Variants in P4HB observed in about 807,000 individuals in gnomAD.
The protein encoded by P4HB is prolyl 4-hydroxylase subunit beta.
Under a neutral mutation model 52.6 loss-of-function variants are expected in P4HB, and 20 were observed. That is an observed-to-expected ratio of 0.38 (90% CI 0.27 to 0.55). The LOEUF is 0.55. Ranked by LOEUF, P4HB falls within the 20% of genes least tolerant of loss-of-function variation. The pLI is 0.74. For synonymous variants in P4HB, 296 were observed against 277.9 expected (o/e 1.07, Z -0.65); for missense variants, 601 against 669.2 (o/e 0.90, Z 1.12).
chr17:81,847,457 C>T (rs1019169364), intron 4 of P4HB, 110 bp from the exon 5 acceptor site: 4 of 862,684 alleles, frequency 4.6e-6, no homozygotes, highest in Admixed American at 1.9e-5. Flanking sequence ...CCTGCCCTCC[C>T]GTGGGGTTTC....
At chr17:81,858,855 A>T in intron 2 of P4HB, 1 of 314,304 alleles carries the variant, frequency 3.2e-6, no homozygotes, top group African/African-American at 2.1e-5. Flanking sequence ...TGCTCCTAGG[A>T]ACAGGGGGCA....
chr17:81,859,145 T>C (rs751507088), intron 2 of P4HB, 36 bp downstream of exon 2: 2 of 1,596,654 alleles, frequency 1.3e-6, no homozygotes, highest in South Asian at 2.2e-5. Context: ...CCAGTCCCTC[T>C]CTAAAGACAG....
intron 2 of P4HB, 163 bp downstream of exon 2, chr17:81,859,018 A>T: frequency 6.4e-6 from 4 of 625,810 alleles, no homozygotes; most frequent in South Asian, 1.9e-5. Context: ...TCCTCACAAG[A>T]CCCTCAGGGC....
Position 81,855,534 on chromosome 17 carries a change from C to T in P4HB, c.405G>A (p.Pro135=), listed in dbSNP as rs375359477. The change falls in exon 3 of 11, where the codon CCG becomes CCA. Residue 135 remains proline, a synonymous_variant. Coordinates refer to ENST00000331483, the MANE Select transcript of P4HB (RefSeq NM_000918.4). The surrounding 1 kb of genome is among the most constrained non-coding windows in gnomAD (Gnocchi z 4.3). The stretch of plus-strand genomic sequence containing the variant: ...CGCCGTCAGGCAGGGTGGTGGCAGC[C>T]GGGCCCGTGCGCTTCTTCAGCCAGT... The part of the protein sequence containing the change: ...IVNWLKKRTG[P]AATTLPDGAA... 8.3e-5 allele frequency: 134 copies of T among 1,613,814 alleles called. No homozygotes were observed. The highest frequency in any genetic ancestry group is 1.1e-4 in the Non-Finnish European group (127 of 1,180,012).
intron 4 of P4HB, among the ~76,000 whole-genome samples, chr17:81,853,593 A>G (rs2038867119): frequency 6.6e-6 from 1 of 152,038 alleles, no homozygotes. Flanking sequence ...AAAAGAAAAA[A>G]AAAAAGAAAG....
In P4HB at chr17:81,845,603, G is replaced by A. The variant is rs755087836; in HGVS notation, c.1317C>T (p.Ser439=). 2.5e-6 allele frequency: 4 copies of A among 1,612,414 alleles called. No individual in the cohort carries two copies. The highest frequency in any genetic ancestry group is 1.7e-5 in the Admixed American group (1 of 59,874). The stretch of plus-strand genomic sequence containing the variant: ...CAGGAAAGAACTTGAGTGTGGGGAA[G>A]CTGTGCACTTTGACGGCCTCCACCT... ...ANEVEAVKVH[S]FPTLKFFPAS... The change falls in exon 9 of 11, where the codon AGC becomes AGT. Residue 439 remains serine, a synonymous_variant. Transcript: ENST00000331483.
chr17:81,856,649 T>TC (rs201417030), intron 2 of P4HB, among the ~76,000 whole-genome samples: 7 of 133,392 alleles, frequency 5.2e-5, no homozygotes, highest in Non-Finnish European at 7.7e-5. Flanking sequence ...TGTTTCTTCT[T>TC]TTTTTTTTTT....
At chr17:81,858,857 CAG>C (rs1464243097) in intron 2 of P4HB, 1 of 319,888 alleles carries the variant, frequency 3.1e-6, no homozygotes, top group African/African-American at 2.1e-5. Flanking sequence ...CTCCTAGGAA[CAG>C]GGGGCAGCAC....
rs1235914491 is a variant in P4HB at position 81,846,424 on chromosome 17, TGC to T, written c.1056+3_1056+4del. 1 of 1,613,132 alleles carries T rather than the reference TGC, an allele frequency of 6.2e-7. No homozygotes were observed. ...GGCAGCCCTGGCCCGGGGACGCGCC[TGC>T]ACCTTGATTTTGCCCTCCAGGAAGC... On this transcript the variant is annotated splice_donor_region_variant and intron_variant, in intron 7 of 10. Coordinates refer to ENST00000331483, the MANE Select transcript of P4HB (RefSeq NM_000918.4). This position sits in a 1 kb window ranked among gnomAD's most constrained non-coding sequence, Gnocchi z 5.7.
intron 2 of P4HB, 141 bp downstream of exon 2, chr17:81,859,040 G>C: frequency 1.4e-6 from 1 of 699,606 alleles, no homozygotes; most frequent in Non-Finnish European, 2.5e-6. Context: ...CAAGTGGACA[G>C]AGAACCCGGC....
chr17:81,857,268 C>T (rs535671660), intron 2 of P4HB, among the ~76,000 whole-genome samples: 38 of 152,294 alleles, frequency 2.5e-4, no homozygotes, highest in African/African-American at 8.7e-4. Flanking sequence ...CTGTGTCAGC[C>T]TCCCAAGTAG....
intron 4 of P4HB, among the ~76,000 whole-genome samples, chr17:81,848,707 G>A (rs965894901): frequency 7.7e-6 from 1 of 129,830 alleles, no homozygotes; most frequent in Non-Finnish European, 1.5e-5. Context: ...CTGCACTCCA[G>A]CCTGGGCGAC....
In P4HB at chr17:81,846,518, C is replaced by T. The variant is rs776700237; in HGVS notation, c.967G>A (p.Glu323Lys). ...GATTCGGGCTTGTACTTGGTCATCT[C>T]CTCCTCCAGGGTGATGAGGCGCACG... The part of the protein sequence containing the change: ...PAVRLITLEE[E>K]MTKYKPESEE... Residue 323 changes from glutamate to lysine, a missense_variant, in exon 7 of 11, where the codon GAG becomes AAG. Physicochemically the swap from Glu to Lys is moderately conservative, Grantham distance 56 (BLOSUM62 1). Coordinates refer to ENST00000331483, the MANE Select transcript of P4HB (RefSeq NM_000918.4). The surrounding 1 kb of genome is among the most constrained non-coding windows in gnomAD (Gnocchi z 5.7). The T allele has an allele frequency of 6.2e-7, 1 of 1,614,034 alleles. No homozygotes were observed. Among genetic ancestry groups the T allele is most frequent in the African/African-American group, 1.3e-5 (1 of 75,040 alleles).
chr17:81,859,700 G>C (rs2038967166), intron 1 of P4HB: 1 of 423,602 alleles, frequency 2.4e-6, no homozygotes, highest in Non-Finnish European at 4.4e-6. Context: ...CTAAGGCAAG[G>C]ATCTCCCCTA....
chr17:81,855,302 A>T lies in P4HB; in HGVS notation c.487-23T>A. ...GTCCTGAATGAGGAGGGAGAAGCAG[A>T]GGTCGTCATGATCCCGCAGCACCAA... On this transcript the variant is annotated intron_variant, in intron 3 of 10. Coordinates refer to ENST00000331483, the MANE Select transcript of P4HB (RefSeq NM_000918.4). The surrounding 1 kb of genome is among the most constrained non-coding windows in gnomAD (Gnocchi z 4.3). 1.2e-6 allele frequency: 2 copies of T among 1,613,526 alleles called. No homozygotes were observed. Among genetic ancestry groups the T allele is most frequent in the Non-Finnish European group, 1.7e-6 (2 of 1,179,932 alleles).
chr17:81,856,385 T>C (rs1339293298), intron 2 of P4HB, among the ~76,000 whole-genome samples: 1 of 150,068 alleles, frequency 6.7e-6, no homozygotes, highest in Non-Finnish European at 1.5e-5. Flanking sequence ...TTGCTCAGGC[T>C]GGAGTGCAAT....
rs1231888291 is a variant in P4HB at position 81,846,779 on chromosome 17, AG to A, written c.856-151del. The A allele has an allele frequency of 1.7e-6, 2 of 1,193,824 alleles. No homozygotes were observed. Among genetic ancestry groups the A allele is most frequent in the Non-Finnish European group, 2.4e-6 (2 of 830,466 alleles). The allele number at this position is 1,193,824 out of a possible 1,614,324, so 74.0% of individuals were successfully genotyped here. On this transcript the variant is annotated intron_variant, in intron 6 of 10. Coordinates refer to ENST00000331483, the MANE Select transcript of P4HB (RefSeq NM_000918.4). This position sits in a 1 kb window ranked among gnomAD's most constrained non-coding sequence, Gnocchi z 5.7. The stretch of plus-strand genomic sequence containing the variant: ...CCAACCAGACCAGCAGGTGACTGGG[AG>A]CAGAGGTCTGGCCTGGCTGGCCCCT...
intron 4 of P4HB, among the ~76,000 whole-genome samples, chr17:81,854,370 T>C (rs934850067): frequency 6.6e-6 from 1 of 150,980 alleles, no homozygotes; most frequent in African/African-American, 2.4e-5. Context: ...CAAAACCCCA[T>C]GTCTACCAAA....
At chr17:81,854,615 G>A (rs1436105824) in intron 4 of P4HB, among the ~76,000 whole-genome samples, 2 of 151,940 alleles carry the variant, frequency 1.3e-5, no homozygotes, top group African/African-American at 2.4e-5. Flanking sequence ...GGGAGGCTGA[G>A]GTGGGTGGAT....
Sources: allele counts gnomAD v4.1 joint callset (sites outside exome capture counted in the v4.1 genomes callset), GRCh38; gene constraint gnomAD v4.1.1; non-coding constraint Gnocchi (gnomAD v3.1); transcripts MANE v1.5; gene names NCBI Gene and HGNC (gene_info 2026-07-23, HGNC 2026-07-21).